Variants in C8orf34 observed in about 807,000 individuals in gnomAD.
C8orf34 encodes the protein uncharacterized protein C8orf34.
A neutral mutation model predicts 68.3 loss-of-function variants in C8orf34; 65 were observed. That is an observed-to-expected ratio of 0.95 (90% confidence interval 0.78 to 1.17). The LOEUF is 1.17. Ranked by LOEUF, C8orf34 falls within the 50% of genes most tolerant of loss-of-function variation. C8orf34 has a pLI of 0.00. For synonymous variants in C8orf34, 244 were observed against 241.2 expected (o/e 1.01, Z -0.11); for missense variants, 664 against 655.4 (o/e 1.01, Z -0.14).
intron 8 of C8orf34, among the ~76,000 whole-genome samples, chr8:68,691,501 A>T (rs1175886883): frequency 6.6e-6 from 1 of 152,112 alleles, no homozygotes; most frequent in African/African-American, 2.4e-5. Context: ...TTCCTATTAA[A>T]CAAATGACTT....
chr8:68,708,849 C>A, intron 8 of C8orf34, 145 bp from the exon 9 acceptor site: 1 of 671,980 alleles, frequency 1.5e-6, no homozygotes, highest in East Asian at 2.9e-5. Flanking sequence ...ATTAAAATGG[C>A]TTTAGTGAAC....
intron 4 of C8orf34, among the ~76,000 whole-genome samples, chr8:68,472,142 A>G (rs915023005): frequency 6.6e-6 from 1 of 152,166 alleles, no homozygotes; most frequent in African/African-American, 2.4e-5. Context: ...TCTCTTGGAA[A>G]GGCAGACGTG....
At chr8:68,457,686 C>T (rs761399311) in intron 3 of C8orf34, among the ~76,000 whole-genome samples, 6 of 152,056 alleles carry the variant, frequency 3.9e-5, no homozygotes, top group South Asian at 4.1e-4. Flanking sequence ...GTGTCCTCAG[C>T]GAAGACTGAG....
At chr8:68,654,778 G>A (rs1819466157) in intron 8 of C8orf34, among the ~76,000 whole-genome samples, 1 of 152,126 alleles carries the variant, frequency 6.6e-6, no homozygotes, top group Admixed American at 6.5e-5. Flanking sequence ...AACAAAATAT[G>A]TTGAAGCACT....
intron 6 of C8orf34, among the ~76,000 whole-genome samples, chr8:68,524,061 C>G (rs907977700): frequency 1.3e-5 from 2 of 152,172 alleles, no homozygotes; most frequent in Admixed American, 1.3e-4. Context: ...CATTTATAGT[C>G]TTATCTTTAT....
chr8:68,695,218 C>G (rs561772785), intron 8 of C8orf34, among the ~76,000 whole-genome samples: 1 of 151,000 alleles, frequency 6.6e-6, no homozygotes, highest in East Asian at 2.0e-4. Context: ...GTGATCTCAA[C>G]TCACTGCAAC....
intron 3 of C8orf34, among the ~76,000 whole-genome samples, chr8:68,448,933 G>A (rs927749200): frequency 6.6e-6 from 1 of 151,960 alleles, no homozygotes; most frequent in Non-Finnish European, 1.5e-5. Context: ...ATCATAAAAG[G>A]TTATTTAATT....
chr8:68,620,979 C>T (rs1009740886), intron 7 of C8orf34, among the ~76,000 whole-genome samples: 8 of 152,018 alleles, frequency 5.3e-5, no homozygotes, highest in Non-Finnish European at 7.4e-5. Flanking sequence ...AATAGTGATC[C>T]ATAGAGTTAG....
intron 5 of C8orf34, among the ~76,000 whole-genome samples, chr8:68,503,768 T>C (rs190646201): frequency 2.0e-5 from 3 of 151,682 alleles, no homozygotes; most frequent in Non-Finnish European, 2.9e-5. Context: ...TAGTACTTCA[T>C]AGACATGGAA....
At chr8:68,337,320 G>A (rs1248530091) in intron 1 of C8orf34, among the ~76,000 whole-genome samples, 1 of 152,088 alleles carries the variant, frequency 6.6e-6, no homozygotes, top group East Asian at 1.9e-4. Context: ...ACACAGCATT[G>A]TTTTGTGATT....
intron 1 of C8orf34, among the ~76,000 whole-genome samples, chr8:68,342,188 CATA>C (rs1277995282): frequency 1.3e-5 from 2 of 152,056 alleles, no homozygotes; most frequent in African/African-American, 2.4e-5. Context: ...ACATCATAAA[CATA>C]ATATTTGTCA....
chr8:68,361,870 T>G (rs954689030), intron 1 of C8orf34, among the ~76,000 whole-genome samples: 2 of 152,224 alleles, frequency 1.3e-5, no homozygotes, highest in Admixed American at 1.3e-4. Flanking sequence ...GCTGAACCTT[T>G]CCATGATTTC....
At chr8:68,787,328 A>T in intron 11 of C8orf34, 115 bp from the exon 12 acceptor site, 1 of 607,252 alleles carries the variant, frequency 1.6e-6, no homozygotes, top group East Asian at 3.0e-5. Context: ...TTTAATGAGG[A>T]AATTATTCTG....
chr8:68,765,830 A>C (rs1823156037), intron 10 of C8orf34, among the ~76,000 whole-genome samples: 1 of 152,208 alleles, frequency 6.6e-6, no homozygotes, highest in Non-Finnish European at 1.5e-5. Flanking sequence ...CTTCAATTAA[A>C]TATGTTAAGG....
chr8:68,402,001 T>C (rs935032338), intron 1 of C8orf34, among the ~76,000 whole-genome samples: 11 of 152,190 alleles, frequency 7.2e-5, no homozygotes, highest in Admixed American at 2.6e-4. Context: ...TAGCTATTTG[T>C]AGGTTTGGTA....
intron 6 of C8orf34, among the ~76,000 whole-genome samples, chr8:68,526,559 A>G (rs1370520850): frequency 6.6e-6 from 1 of 152,108 alleles, no homozygotes; most frequent in Non-Finnish European, 1.5e-5. Flanking sequence ...CATCATATTT[A>G]TATATTCTTA....
chr8:68,544,487 C>G (rs1815805005), intron 7 of C8orf34, among the ~76,000 whole-genome samples: 2 of 152,108 alleles, frequency 1.3e-5, no homozygotes, highest in Admixed American at 6.6e-5. Context: ...CAGAACAAAA[C>G]TCAAAACTCA....
intron 10 of C8orf34, among the ~76,000 whole-genome samples, chr8:68,757,526 C>T (rs928164192): frequency 2.0e-5 from 3 of 152,040 alleles, no homozygotes; most frequent in African/African-American, 7.2e-5. Flanking sequence ...GCTTCTGAGG[C>T]AGGTGAATCA....
intron 1 of C8orf34, among the ~76,000 whole-genome samples, chr8:68,391,927 C>T (rs1054401750): frequency 2.6e-5 from 4 of 152,116 alleles, no homozygotes; most frequent in Non-Finnish European, 4.4e-5. Context: ...AATGCAATTC[C>T]ACCACATGCC....
Sources: gnomAD v4.1 joint callset for allele counts (sites outside exome capture counted in the v4.1 genomes callset) on GRCh38, gnomAD v4.1.1 for gene constraint, MANE v1.5 for transcripts, NCBI Gene and HGNC (gene_info 2026-07-23, HGNC 2026-07-21) for gene names.